The following GFI1 variants were observed in gnomAD, a reference collection of about 807,000 sequenced individuals.
The protein encoded by GFI1 is growth factor independent 1 transcriptional repressor, also known as zinc finger protein Gfi-1.
GFI1 carries 15 observed loss-of-function variants against 39.2 expected under a neutral mutation model. The ratio of observed to expected loss-of-function variants is 0.38; its 90% confidence interval spans 0.26 to 0.59. The LOEUF is 0.59. GFI1 is among the 20% of genes least tolerant of loss of function. The pLI, the probability that GFI1 is intolerant of heterozygous loss-of-function variation, is 0.62. For missense variants in GFI1, 475 were observed against 574.0 expected (o/e 0.83, Z 1.76); for synonymous variants, 239 against 254.3 (o/e 0.94, Z 0.57).
rs74101165 is a variant in GFI1, at chr1:92,482,827, G to C, written c.298+37C>G. On this transcript the variant is annotated intron_variant, in intron 3 of 6. Transcript: ENST00000294702. This position sits in a 1 kb window ranked among gnomAD's most constrained non-coding sequence, Gnocchi z 4.4. ...TCCCCCCCAGCACTGCCGGGTCCCTGCAGCTCCCGCCCAAGAGGTTCCCAG... is the reference window on the plus strand; with the variant it reads ...TCCCCCCCAGCACTGCCGGGTCCCTCCAGCTCCCGCCCAAGAGGTTCCCAG... The C allele has an allele frequency of 2.4e-3, 3,713 of 1,565,862 alleles. 77 individuals carry two copies. The African/African-American group carries it at 0.044, about 18-fold the overall frequency.
chr1:92,481,145 C>T lies in GFI1; in HGVS notation c.299-57G>A. ...GCTTCAGACGGCAGAGCGGAGGCCG[C>T]CGGGCTGCGGCTGCGAGCGTGGCGT... On this transcript the variant is annotated intron_variant, in intron 3 of 6. Coordinates refer to ENST00000294702, the MANE Select transcript of GFI1 (RefSeq NM_005263.5). The surrounding 1 kb of genome is among the most constrained non-coding windows in gnomAD (Gnocchi z 4.3). The T allele has an allele frequency of 6.7e-7, 1 of 1,481,916 alleles. No homozygotes were observed. Among genetic ancestry groups the T allele is most frequent in the Non-Finnish European group, 9.3e-7 (1 of 1,074,362 alleles). 91.8% of individuals were successfully genotyped at this position (1,481,916 alleles called of 1,614,324 possible). A position where few individuals can be genotyped will look rare whatever the true frequency, so the allele number is the denominator to read the frequency against.
chr1:92,480,524 G>C lies in GFI1; in HGVS notation c.787-39C>G. The C allele has an allele frequency of 2.6e-6, 4 of 1,547,596 alleles. No homozygotes were observed. The highest frequency in any genetic ancestry group is 3.5e-6 in the Non-Finnish European group (4 of 1,145,840). ...GGCCAGAGAGAAGGCCGCTGAGAGG[G>C]GCCGCGGGGCGCAGGCGAGGCGCGG... On this transcript the variant is annotated intron_variant, in intron 4 of 6. Coordinates refer to ENST00000294702, the MANE Select transcript of GFI1 (RefSeq NM_005263.5). This position sits in a 1 kb window ranked among gnomAD's most constrained non-coding sequence, Gnocchi z 5.6.
chr1:92,484,695 G>A lies in GFI1; in HGVS notation c.-99-1109C>T, dbSNP rs938286868. 1.3e-5 allele frequency: 2 copies of A among 152,442 alleles called. No homozygotes were observed. Among genetic ancestry groups the A allele is most frequent in the African/African-American group, 2.4e-5 (1 of 41,476 alleles). The allele number at this position is 152,442 out of a possible 1,614,324, so 9.4% of individuals were successfully genotyped here. A position where few individuals can be genotyped will look rare whatever the true frequency, so the allele number is the denominator to read the frequency against. On this transcript the variant is annotated intron_variant, in intron 1 of 6. Coordinates refer to ENST00000294702, the MANE Select transcript of GFI1 (RefSeq NM_005263.5). This position sits in a 1 kb window ranked among gnomAD's most constrained non-coding sequence, Gnocchi z 4.1. ...CCAGGTCGAAATCTGAGCGCAGCGG[G>A]AGGGCGTGGCTGCGCCTGCCGCTAG...
At position 92,481,468 on chromosome 1, in the gene GFI1, G is replaced by A. The variant is rs1658251755; in HGVS notation, c.299-380C>T. 6.6e-6 allele frequency among the ~76,000 whole-genome samples: 1 copy of A among 152,210 alleles called. No homozygotes were observed. The highest frequency in any genetic ancestry group is 2.1e-4 in the South Asian group (1 of 4,834). On this transcript the variant is annotated intron_variant, in intron 3 of 6. Coordinates refer to ENST00000294702, the MANE Select transcript of GFI1 (RefSeq NM_005263.5). This position sits in a 1 kb window ranked among gnomAD's most constrained non-coding sequence, Gnocchi z 4.3. Reference sequence around the variant, plus strand: ...GTTGAGCTGTTAAGAAGGAGAAGGTGGCGGCCGTTCGGCCCCTCACAGCAC... The same window carrying A: ...GTTGAGCTGTTAAGAAGGAGAAGGTAGCGGCCGTTCGGCCCCTCACAGCAC...
Position 92,481,171 on chromosome 1 carries a change from G to T in GFI1, c.299-83C>A. 1 of 1,216,644 alleles carries T rather than the reference G, an allele frequency of 8.2e-7. No individual in the cohort carries two copies. The highest frequency in any genetic ancestry group is 1.2e-6 in the Non-Finnish European group (1 of 845,204). 75.4% of individuals were successfully genotyped at this position (1,216,644 alleles called of 1,614,324 possible). A position where few individuals can be genotyped will look rare whatever the true frequency, so the allele number is the denominator to read the frequency against. On this transcript the variant is annotated intron_variant, in intron 3 of 6. Transcript: ENST00000294702. The surrounding 1 kb of genome is among the most constrained non-coding windows in gnomAD (Gnocchi z 4.3). ...CGGGCTGCGGCTGCGAGCGTGGCGT[G>T]TTCGCGGACTGCGGGGCACCCAGCG...
Position 92,475,514 on chromosome 1 carries a change from G to A in GFI1, c.*515C>T, listed in dbSNP as rs1176065914. ...TTTATAGGCAGCACCCAAAAGAAAG[G>A]AGTCAACAGACCCCCCAGAAGGAAA... is the stretch of plus-strand genomic sequence containing the variant. On this transcript the variant is annotated 3_prime_UTR_variant, in exon 7 of 7. Transcript: ENST00000294702. 2 of 170,320 alleles carry A rather than the reference G, an allele frequency of 1.2e-5. No homozygotes were observed. The highest frequency in any genetic ancestry group is 3.3e-4 in the East Asian group (2 of 6,138). 10.6% of individuals were successfully genotyped at this position (170,320 alleles called of 1,614,324 possible).
chr1:92,478,023 A>T (rs1227958452), intron 6 of GFI1, among the ~76,000 whole-genome samples: 1 of 152,172 alleles, frequency 6.6e-6, no homozygotes, highest in Non-Finnish European at 1.5e-5. Context: ...AAATGGGGAG[A>T]AGGAGTAGTC....
rs1658073926 is a variant in GFI1, at chr1:92,478,668, G to A, written c.1010C>T (p.Thr337Ile). 6.2e-7 allele frequency: 1 copy of A among 1,614,036 alleles called. No homozygotes were observed. The highest frequency in any genetic ancestry group is 8.5e-7 in the Non-Finnish European group (1 of 1,179,996). ...LSTHLLIHSD[T>I]RPYPCQYCGK... ...ACAGTACTGACAGGGGTAGGGCCGA[G>A]TGTCTGAGTGGATAAGCAGGTGTGT... is the stretch of plus-strand genomic sequence containing the variant. Residue 337 changes from threonine (T) to isoleucine (I), a missense_variant, in exon 6 of 7, where the codon ACT becomes ATT. Physicochemically the swap from Thr to Ile is moderately conservative, Grantham distance 89. This residue lies in a region of GFI1 where 112 missense variants were observed against 202.8 expected (regional missense o/e 0.55). Coordinates refer to ENST00000294702, the MANE Select transcript of GFI1 (RefSeq NM_005263.5).
intron 6 of GFI1, among the ~76,000 whole-genome samples, chr1:92,477,659 A>C (rs775662725): frequency 3.9e-5 from 6 of 152,250 alleles, no homozygotes; most frequent in Non-Finnish European, 8.8e-5. Flanking sequence ...ACTTCTGATA[A>C]ATCATTCACT....
intron 2 of GFI1, 95 bp downstream of exon 2, chr1:92,483,278 T>C (rs2101581693): frequency 7.5e-6 from 6 of 795,098 alleles, no homozygotes; most frequent in South Asian, 5.8e-5. Context: ...AAAAGGGACG[T>C]TGGGGCAGCC....
Position 92,480,556 on chromosome 1 carries a change from G to A in GFI1, c.786+45C>T. On this transcript the variant is annotated intron_variant, in intron 4 of 6. Coordinates refer to ENST00000294702, the MANE Select transcript of GFI1 (RefSeq NM_005263.5). This position sits in a 1 kb window ranked among gnomAD's most constrained non-coding sequence, Gnocchi z 5.6. ...GGGCGCAGGCGAGGCGCGGGTAGGG[G>A]AAGCGGGCGCACGGCAGGCGAGGTG... 2 of 1,542,970 alleles carry A rather than the reference G, an allele frequency of 1.3e-6. No homozygotes were observed. The highest frequency in any genetic ancestry group is 1.7e-6 in the Non-Finnish European group (2 of 1,145,416).
intron 1 of GFI1, chr1:92,483,999 CGGG>C: frequency 4.2e-6 from 1 of 236,470 alleles, no homozygotes. Flanking sequence ...CGAGGGAGGG[CGGG>C]GACACGCGGA....
At position 92,473,179 on chromosome 1, in the gene GFI1, A is replaced by C. The variant is rs1485299036; in HGVS notation, c.*2850T>G. Among the ~76,000 whole-genome samples, 2 of 144,320 alleles carry C rather than the reference A, an allele frequency of 1.4e-5. No homozygotes were observed. The highest frequency in any genetic ancestry group is 5.2e-5 in the African/African-American group (2 of 38,470). The allele number at this position is 144,320 out of a possible 152,430, so 94.7% of individuals were successfully genotyped here. Reference sequence around the variant, plus strand: ...GGATATCAAGATACATTTTTTACCAAAAAAAAAAAAAAAAGGCATACAGTT... The same window carrying C: ...GGATATCAAGATACATTTTTTACCACAAAAAAAAAAAAAAGGCATACAGTT... On this transcript the variant is annotated 3_prime_UTR_variant, in exon 7 of 7. Transcript: ENST00000294702.
Position 92,478,724 on chromosome 1 carries a change from C to A in GFI1, c.954G>T (p.Gly318=). 1 of 1,607,752 alleles carries A rather than the reference C, an allele frequency of 6.2e-7. No homozygotes were observed. The highest frequency in any genetic ancestry group is 8.5e-7 in the Non-Finnish European group (1 of 1,177,620). The part of the protein sequence containing the change: ...QERSFDCKIC[G]KSFKRSSTLS... Reference sequence around the variant, plus strand: ...GTGTGGATGACCTCTTGAAGCTCTTCCCACAGATCTTACAGTCAAAGCTCC... The same window carrying A: ...GTGTGGATGACCTCTTGAAGCTCTTACCACAGATCTTACAGTCAAAGCTCC... Residue 318 remains glycine, a synonymous_variant, in exon 6 of 7, where the codon GGG becomes GGT. Coordinates refer to ENST00000294702, the MANE Select transcript of GFI1 (RefSeq NM_005263.5).
chr1:92,483,624 G>A (rs1658396971), intron 1 of GFI1, 38 bp from the exon 2 acceptor site: 3 of 696,680 alleles, frequency 4.3e-6, no homozygotes, highest in Non-Finnish European at 7.9e-6. Flanking sequence ...ACGTGGGTCA[G>A]TACTCTCCGG....
intron 1 of GFI1, chr1:92,483,835 C>T (rs960685127): frequency 3.2e-5 from 12 of 376,526 alleles, no homozygotes; most frequent in Non-Finnish European, 5.6e-5. Context: ...TGTCTCAGGC[C>T]CCTTTCCTCC....
rs1392880655 is a variant in GFI1, at chr1:92,482,174, C to T, written c.298+690G>A. 5.9e-5 allele frequency among the ~76,000 whole-genome samples: 9 copies of T among 151,970 alleles called. No individual in the cohort carries two copies. In the South Asian group the frequency reaches 1.0e-3, roughly 18 times the overall value. On this transcript the variant is annotated intron_variant, in intron 3 of 6. Coordinates refer to ENST00000294702, the MANE Select transcript of GFI1 (RefSeq NM_005263.5). This position sits in a 1 kb window ranked among gnomAD's most constrained non-coding sequence, Gnocchi z 4.4. ...GGGTGGTGGTATCTTCTAAAACTAG[C>T]AAACATATTCTGGATATAACCGGCC...
Position 92,480,252 on chromosome 1 carries a change from G to A in GFI1, c.924+96C>T. On this transcript the variant is annotated intron_variant, in intron 5 of 6. Transcript: ENST00000294702. This position sits in a 1 kb window ranked among gnomAD's most constrained non-coding sequence, Gnocchi z 5.6. ...GGGGAGGAAACTGGGGGAAGTCGAG[G>A]AGAAAACTTCCAGGCAGAGAGTGGC... The A allele has an allele frequency of 7.4e-7, 1 of 1,355,958 alleles. No homozygotes were observed. The highest frequency in any genetic ancestry group is 1.0e-6 in the Non-Finnish European group (1 of 984,752). The allele number at this position is 1,355,958 out of a possible 1,614,324, so 84.0% of individuals were successfully genotyped here.
intron 5 of GFI1, 139 bp from the exon 6 acceptor site, chr1:92,478,892 A>G (rs1658094023): frequency 8.6e-7 from 1 of 1,156,456 alleles, no homozygotes; most frequent in South Asian, 1.5e-5. Flanking sequence ...TTTTTGAGAC[A>G]GTCTCCTCTG....
Sources: gnomAD v4.1 joint callset for allele counts (sites outside exome capture counted in the v4.1 genomes callset) on GRCh38, gnomAD v4.1.1 for gene constraint, gnomAD v4.1.1 regional missense constraint, Gnocchi (gnomAD v3.1) non-coding constraint, MANE v1.5 for transcripts, NCBI Gene and HGNC (gene_info 2026-07-23, HGNC 2026-07-21) for gene names.